The following ITPR2 variants were observed in gnomAD, a reference collection of about 807,000 sequenced individuals.
ITPR2 encodes the protein inositol 1,4,5-trisphosphate-gated calcium channel ITPR2.
In ITPR2, 207 loss-of-function variants were observed where a neutral mutation model predicts 317.1. The observed-to-expected ratio is 0.65, with a 90% CI of 0.58 to 0.73. ITPR2 has a LOEUF of 0.73. ITPR2 is among the 30% of genes least tolerant of loss of function. The probability of loss-of-function intolerance (pLI) is 0.00; values close to 1 mark genes in which losing one functional copy is unlikely to be tolerated. For missense variants in ITPR2, 2,613 were observed against 3,284.0 expected (o/e 0.80, Z 4.99); for synonymous variants, 1,156 against 1,149.1 (o/e 1.01, Z -0.12).
chr12:26,742,444 C>A (rs770771080), intron 2 of ITPR2, among the ~76,000 whole-genome samples: 1 of 152,114 alleles, frequency 6.6e-6, no homozygotes, highest in Non-Finnish European at 1.5e-5. Flanking sequence ...AAGAGAAAAA[C>A]CTAAATGTCC....
rs558001878 is a variant in ITPR2, at chr12:26,621,354, A to G, written c.3289-58T>C. On this transcript the variant is annotated intron_variant, in intron 25 of 56. Transcript: ENST00000381340. ...TTCACTATTTCTAGAATATTTATGA[A>G]TATTTTAGATGTATATTGACCATGA... The G allele has an allele frequency of 1.9e-5, 25 of 1,343,350 alleles. 2 individuals carry two copies. The South Asian group carries it at 3.2e-4, about 17-fold the overall frequency. 83.2% of individuals were successfully genotyped at this position (1,343,350 alleles called of 1,614,324 possible).
At chr12:26,802,590 T>G (rs1444812626) in intron 1 of ITPR2, among the ~76,000 whole-genome samples, 17 of 9,726 alleles carry the variant, frequency 1.7e-3, no homozygotes, top group African/African-American at 5.2e-3. Flanking sequence ...GATATATCTA[T>G]ATATAGATAT....
intron 13 of ITPR2, among the ~76,000 whole-genome samples, chr12:26,680,132 G>A (rs1330672653): frequency 1.3e-5 from 2 of 151,786 alleles, no homozygotes; most frequent in Non-Finnish European, 2.9e-5. Context: ...CATGTCTATT[G>A]ACAATCTGGG....
At chr12:26,696,755 A>AT (rs1948359590) in intron 9 of ITPR2, among the ~76,000 whole-genome samples, 1 of 152,224 alleles carries the variant, frequency 6.6e-6, no homozygotes, top group African/African-American at 2.4e-5. Flanking sequence ...GTAAACAAAG[A>AT]TAAGAAGATA....
intron 47 of ITPR2, among the ~76,000 whole-genome samples, chr12:26,436,851 C>A (rs572131433): frequency 6.6e-6 from 1 of 152,304 alleles, no homozygotes; most frequent in African/African-American, 2.4e-5. Context: ...GAAACCTAAT[C>A]ATGTGACATA....
intron 32 of ITPR2, among the ~76,000 whole-genome samples, chr12:26,594,433 G>T (rs1007196156): frequency 6.6e-6 from 1 of 151,814 alleles, no homozygotes; most frequent in Non-Finnish European, 1.5e-5. Flanking sequence ...TTCAGAAAAA[G>T]GTATAGAGAG....
chr12:26,541,465 C>A (rs1944260011), intron 37 of ITPR2, among the ~76,000 whole-genome samples: 1 of 152,132 alleles, frequency 6.6e-6, no homozygotes, highest in South Asian at 2.1e-4. Flanking sequence ...GTACTCACCT[C>A]TAAAATGTAT....
At chr12:26,340,844 G>C (rs1938088195) in intron 55 of ITPR2, among the ~76,000 whole-genome samples, 1 of 152,242 alleles carries the variant, frequency 6.6e-6, no homozygotes, top group South Asian at 2.1e-4. Context: ...ACTTGAGGAA[G>C]AGGGAAGTGG....
rs771383245 is a variant in ITPR2, at chr12:26,657,866, G to A, written c.2033C>T (p.Pro678Leu). Residue 678 changes from proline to leucine, a missense_variant, in exon 18 of 57, where the codon CCC becomes CTC. Physicochemically the swap from Pro to Leu is moderately conservative, Grantham distance 98. Around this residue, in one of 9 missense-constraint regions of ITPR2, gnomAD observed 817 missense variants for 897.6 expected, o/e 0.91. Coordinates refer to ENST00000381340, the MANE Select transcript of ITPR2 (RefSeq NM_002223.4). ...ATCTGAAAGGATGGAGCTCTCCATG[G>A]GGTTGTCTGCTTGCATTGAGACCAC... is the stretch of plus-strand genomic sequence containing the variant. ...TKVVSMQADN[P>L]MESSILSDDI... The A allele has an allele frequency of 1.9e-6, 3 of 1,613,904 alleles. No homozygotes were observed. The African/African-American group carries it at 4.0e-5, about 22-fold the overall frequency.
At chr12:26,614,405 C>T (rs540162608) in intron 26 of ITPR2, among the ~76,000 whole-genome samples, 15 of 152,236 alleles carry the variant, frequency 9.9e-5, no homozygotes, top group Middle Eastern at 3.4e-3. Flanking sequence ...CTCAGGCTAG[C>T]AGCGCCCCCT....
At chr12:26,695,979 C>T (rs1948338163) in intron 9 of ITPR2, among the ~76,000 whole-genome samples, 1 of 150,556 alleles carries the variant, frequency 6.6e-6, no homozygotes, top group Admixed American at 6.8e-5. Context: ...CTGCCATTTA[C>T]CAATAACTCA....
At chr12:26,758,417 T>C (rs1949566370) in intron 2 of ITPR2, among the ~76,000 whole-genome samples, 2 of 152,236 alleles carry the variant, frequency 1.3e-5, no homozygotes. Flanking sequence ...CCTTGATTAA[T>C]TTTGTCAGGA....
At chr12:26,483,319 A>G (rs10161530) in intron 42 of ITPR2, among the ~76,000 whole-genome samples, 21,063 of 152,230 alleles carry the variant, frequency 0.14, 2,066 homozygotes, top group East Asian at 0.28. Flanking sequence ...ATACCTATTC[A>G]TAAGTTTATT....
Position 26,657,814 on chromosome 12 carries a change from G to A in ITPR2, c.2085C>T (p.Leu695=). Residue 695 remains leucine (L), a synonymous_variant, in exon 18 of 57, where the codon CTC becomes CTT. Coordinates refer to ENST00000381340, the MANE Select transcript of ITPR2 (RefSeq NM_002223.4). The part of the protein sequence containing the change: ...SDDIDDEEVW[L]YWIDSNKEPH... ...GTTCCTTGTTGCTGTCAATCCAATAGAGCCAAACTTCTTCATCATCAATGT... is the reference window on the plus strand; with the variant it reads ...GTTCCTTGTTGCTGTCAATCCAATAAAGCCAAACTTCTTCATCATCAATGT... 1.9e-6 allele frequency: 3 copies of A among 1,614,120 alleles called. No individual in the cohort carries two copies. The African/African-American group carries it at 4.0e-5, about 22-fold the overall frequency.
chr12:26,482,735 C>G (rs1379109769), intron 42 of ITPR2, among the ~76,000 whole-genome samples: 1 of 152,172 alleles, frequency 6.6e-6, no homozygotes, highest in Non-Finnish European at 1.5e-5. Context: ...ATTGTACACA[C>G]CTATGCATGT....
intron 45 of ITPR2, among the ~76,000 whole-genome samples, chr12:26,460,415 A>G (rs1263091679): frequency 6.6e-6 from 1 of 152,232 alleles, no homozygotes; most frequent in African/African-American, 2.4e-5. Flanking sequence ...TCATGTGTAT[A>G]AGTGGCAGAG....
intron 49 of ITPR2, among the ~76,000 whole-genome samples, chr12:26,426,533 T>G (rs1438090811): frequency 6.6e-6 from 1 of 152,162 alleles, no homozygotes; most frequent in Non-Finnish European, 1.5e-5. Context: ...ACTTCTGCCC[T>G]CAAGAAACTT....
intron 25 of ITPR2, among the ~76,000 whole-genome samples, chr12:26,622,013 C>T (rs1167834014): frequency 6.6e-6 from 1 of 152,180 alleles, no homozygotes; most frequent in Non-Finnish European, 1.5e-5. Context: ...AATCTTGGTG[C>T]CTTTCATTTG....
At chr12:26,818,580 G>A (rs982283528) in intron 1 of ITPR2, among the ~76,000 whole-genome samples, 3 of 152,210 alleles carry the variant, frequency 2.0e-5, no homozygotes, top group African/African-American at 7.2e-5. Flanking sequence ...ACATGGATTA[G>A]TGTAGTCAGG....
Sources: gnomAD v4.1 joint callset for allele counts (sites outside exome capture counted in the v4.1 genomes callset) on GRCh38, gnomAD v4.1.1 for gene constraint, gnomAD v4.1.1 regional missense constraint, MANE v1.5 for transcripts, NCBI Gene and HGNC (gene_info 2026-07-23, HGNC 2026-07-21) for gene names.